The following ADAMTSL1 variants were observed in gnomAD, a reference collection of about 807,000 sequenced individuals.
The protein encoded by ADAMTSL1 is ADAMTS-like protein 1.
In ADAMTSL1, 126 loss-of-function variants were observed where a neutral mutation model predicts 201.8. That is an observed-to-expected ratio of 0.62 (90% CI 0.54 to 0.72). The LOEUF is 0.72. ADAMTSL1 is among the 30% of genes least tolerant of loss of function. The probability of loss-of-function intolerance (pLI) is 0.00; values close to 1 mark genes in which losing one functional copy is unlikely to be tolerated. For missense variants in ADAMTSL1, 2,679 were observed against 2,277.8 expected (o/e 1.18, Z -3.59); for synonymous variants, 1,121 against 903.4 (o/e 1.24, Z -4.32).
intron 3 of ADAMTSL1, among the ~76,000 whole-genome samples, chr9:18,552,614 C>T (rs1049547741): frequency 6.6e-6 from 1 of 151,700 alleles, no homozygotes; most frequent in South Asian, 2.1e-4. Flanking sequence ...TTTTAAAATA[C>T]TTGAGAGAAT....
intron 14 of ADAMTSL1, among the ~76,000 whole-genome samples, chr9:18,714,910 G>T (rs1217261566): frequency 1.4e-5 from 2 of 147,836 alleles, no homozygotes; most frequent in Admixed American, 6.8e-5. Flanking sequence ...ATGATCAAGT[G>T]GGCTTCATCC....
chr9:18,574,338 T>A, intron 4 of ADAMTSL1, 72 bp downstream of exon 4: 1 of 1,270,576 alleles, frequency 7.9e-7, no homozygotes, highest in Non-Finnish European at 1.2e-6. Flanking sequence ...GTTTACATAG[T>A]CTCACTCTCT....
At chr9:18,561,357 A>C (rs1475147481) in intron 3 of ADAMTSL1, among the ~76,000 whole-genome samples, 1 of 152,194 alleles carries the variant, frequency 6.6e-6, no homozygotes, top group African/African-American at 2.4e-5. Flanking sequence ...TGAGTTTCTT[A>C]ATCTTAAGTT....
intron 2 of ADAMTSL1, among the ~76,000 whole-genome samples, chr9:18,168,977 G>T (rs1338353369): frequency 6.8e-6 from 1 of 148,104 alleles, no homozygotes; most frequent in African/African-American, 2.5e-5. Context: ...GGGGTTGTTT[G>T]TTTTTTCTTG....
At chr9:18,267,998 A>T (rs1832207913) in intron 2 of ADAMTSL1, among the ~76,000 whole-genome samples, 1 of 152,176 alleles carries the variant, frequency 6.6e-6, no homozygotes, top group Admixed American at 6.5e-5. Flanking sequence ...AAATTTAAGT[A>T]TTGTGCTTAG....
intron 1 of ADAMTSL1, among the ~76,000 whole-genome samples, chr9:18,502,407 A>G (rs539888239): frequency 2.0e-5 from 3 of 152,372 alleles, no homozygotes; most frequent in African/African-American, 4.8e-5. Flanking sequence ...CCTATCTTCT[A>G]TTCACATGCG....
intron 2 of ADAMTSL1, among the ~76,000 whole-genome samples, chr9:18,386,755 T>A (rs551748489): frequency 6.6e-6 from 1 of 152,314 alleles, no homozygotes; most frequent in African/African-American, 2.4e-5. Flanking sequence ...CTGTTTAACA[T>A]TTTCGGATCC....
At chr9:18,009,513 C>T (rs558132425) in intron 1 of ADAMTSL1, among the ~76,000 whole-genome samples, 4 of 152,154 alleles carry the variant, frequency 2.6e-5, no homozygotes, top group African/African-American at 9.6e-5. Context: ...TTACTCTTTG[C>T]TGTTTCAGTG....
At chr9:18,655,146 G>T (rs554601399) in intron 7 of ADAMTSL1, among the ~76,000 whole-genome samples, 1 of 152,320 alleles carries the variant, frequency 6.6e-6, no homozygotes, top group East Asian at 1.9e-4. Context: ...TGCTTTAACA[G>T]TGCTTTCTCT....
chr9:18,313,469 A>T (rs1438449091), intron 2 of ADAMTSL1, among the ~76,000 whole-genome samples: 1 of 152,152 alleles, frequency 6.6e-6, no homozygotes, highest in Non-Finnish European at 1.5e-5. Context: ...GAGAGTTTTT[A>T]AAAAATACCA....
intron 1 of ADAMTSL1, among the ~76,000 whole-genome samples, chr9:17,999,420 G>A (rs1238525746): frequency 6.6e-6 from 1 of 151,856 alleles, no homozygotes. Flanking sequence ...TACTCAAAGA[G>A]TAATTTTCCT....
chr9:17,972,849 C>G lies in ADAMTSL1; in HGVS notation c.87+65927C>G, dbSNP rs1482096997. Among the ~76,000 whole-genome samples, 52 of 139,208 alleles carry G rather than the reference C, an allele frequency of 3.7e-4. 1 individual carries two copies. The highest frequency in any genetic ancestry group is 1.0e-3 in the African/African-American group (38 of 37,878). The allele number at this position is 139,208 out of a possible 152,430, so 91.3% of individuals were successfully genotyped here. On this transcript the variant is annotated intron_variant, in intron 1 of 29. Transcript: ENST00000680146. ...TGTTGTTTCCTGACTTTTTAATGAT[C>G]ACCATTCTAACTGGTGTGAGATGGT... is the stretch of plus-strand genomic sequence containing the variant.
At chr9:18,539,735 CA>C (rs1426851726) in intron 3 of ADAMTSL1, among the ~76,000 whole-genome samples, 1 of 152,182 alleles carries the variant, frequency 6.6e-6, no homozygotes, top group Non-Finnish European at 1.5e-5. Context: ...TACAGGCACA[CA>C]CATCCCATTA....
At chr9:18,754,808 A>C (rs920331468) in intron 16 of ADAMTSL1, among the ~76,000 whole-genome samples, 2 of 152,194 alleles carry the variant, frequency 1.3e-5, no homozygotes, top group African/African-American at 4.8e-5. Flanking sequence ...TTAGAGCTTA[A>C]ATGTATATGG....
chr9:18,196,508 C>G (rs1272144275), intron 2 of ADAMTSL1, among the ~76,000 whole-genome samples: 1 of 152,078 alleles, frequency 6.6e-6, no homozygotes, highest in Non-Finnish European at 1.5e-5. Context: ...TTGGGAAAAA[C>G]TACCTGGTAC....
At chr9:18,693,942 G>A (rs1287348265) in intron 13 of ADAMTSL1, among the ~76,000 whole-genome samples, 6 of 152,174 alleles carry the variant, frequency 3.9e-5, no homozygotes, top group Admixed American at 3.9e-4. Flanking sequence ...ATAAGTAAAA[G>A]AGGTTTCATT....
chr9:18,095,332 A>C (rs1440876742), intron 1 of ADAMTSL1, among the ~76,000 whole-genome samples: 7 of 151,928 alleles, frequency 4.6e-5, no homozygotes, highest in African/African-American at 1.7e-4. Flanking sequence ...TAATTATCAC[A>C]GTGTTGAAAG....
intron 13 of ADAMTSL1, among the ~76,000 whole-genome samples, chr9:18,689,979 G>C (rs1281679434): frequency 6.6e-6 from 1 of 152,144 alleles, no homozygotes; most frequent in African/African-American, 2.4e-5. Context: ...AAATAATCTT[G>C]TTGTGAGCCA....
intron 2 of ADAMTSL1, among the ~76,000 whole-genome samples, chr9:18,370,894 G>C (rs1328588967): frequency 6.6e-6 from 1 of 151,884 alleles, no homozygotes; most frequent in Non-Finnish European, 1.5e-5. Flanking sequence ...TACAAATTGA[G>C]GGAAGTGTTG....
Sources: gnomAD v4.1 joint callset for allele counts (sites outside exome capture counted in the v4.1 genomes callset) on GRCh38, gnomAD v4.1.1 for gene constraint, MANE v1.5 for transcripts, NCBI Gene and HGNC (gene_info 2026-07-23, HGNC 2026-07-21) for gene names.